EYS: variants seen among roughly 807,000 people sequenced by gnomAD.
The protein encoded by EYS is EGF-like photoreceptor maintenance factor, also known as protein eyes shut homolog.
Under a neutral mutation model 282.1 loss-of-function variants are expected in EYS, and 250 were observed. That is an observed-to-expected ratio of 0.89 (90% CI 0.80 to 0.98). The LOEUF (loss-of-function observed/expected upper bound fraction) is 0.98, where lower values mean the gene tolerates loss of function less well. Ranked by LOEUF, EYS falls within the 50% of genes least tolerant of loss-of-function variation. The probability of loss-of-function intolerance (pLI) is 0.00; values close to 1 mark genes in which losing one functional copy is unlikely to be tolerated. For missense variants in EYS, 4,016 were observed against 3,709.0 expected, an observed-to-expected ratio of 1.08 and a Z score of -2.15; for synonymous variants, 1,355 against 1,282.9, an observed-to-expected ratio of 1.06 and a Z score of -1.20.
At chr6:63,748,962 A>AT (rs1442502496) in intron 41 of EYS, among the ~76,000 whole-genome samples, 3 of 151,558 alleles carry the variant, frequency 2.0e-5, no homozygotes, top group Admixed American at 6.6e-5. Flanking sequence ...CTTTTGAATG[A>AT]TTTTTTGTGT....
intron 30 of EYS, among the ~76,000 whole-genome samples, chr6:64,279,501 G>C (rs1026157474): frequency 6.6e-6 from 1 of 151,598 alleles, no homozygotes; most frequent in Non-Finnish European, 1.5e-5. Flanking sequence ...ACTTGTAAGG[G>C]TAAGGTGAAA....
At position 64,080,564 on chromosome 6, in the gene EYS, C is replaced by T. The variant is rs557890372; in HGVS notation, c.6571+1292G>A. On this transcript the variant is annotated intron_variant, in intron 32 of 42. Coordinates refer to ENST00000503581, the MANE Select transcript of EYS (RefSeq NM_001142800.2). ...GTGCAGAAGCTCTTTAGTTTAATTACATCCCATTGGTCAATTTTGGCTTTT... is the reference window on the plus strand; with the variant it reads ...GTGCAGAAGCTCTTTAGTTTAATTATATCCCATTGGTCAATTTTGGCTTTT... Among the ~76,000 whole-genome samples, 23 of 152,106 alleles carry T rather than the reference C, an allele frequency of 1.5e-4. 1 individual carries two copies. The East Asian group carries it at 4.3e-3, about 28-fold the overall frequency.
At chr6:64,432,640 A>T in intron 28 of EYS, among the ~76,000 whole-genome samples, 1 of 151,940 alleles carries the variant, frequency 6.6e-6, no homozygotes, top group Non-Finnish European at 1.5e-5. Context: ...TTATAACTAT[A>T]CCAACAGACA....
intron 1 of EYS, among the ~76,000 whole-genome samples, chr6:65,683,011 T>G (rs1028954754): frequency 6.6e-6 from 1 of 151,918 alleles, no homozygotes; most frequent in African/African-American, 2.4e-5. Flanking sequence ...AACAGTACTA[T>G]GTTCAGATAT....
chr6:64,813,558 C>G lies in EYS; in HGVS notation c.3263G>C (p.Cys1088Ser). 1 of 1,549,030 alleles carries G rather than the reference C, an allele frequency of 6.5e-7. No individual in the cohort carries two copies. The highest frequency in any genetic ancestry group is 2.4e-5 in the East Asian group (1 of 40,826). The change falls in exon 22 of 43, where the codon TGT (cysteine) becomes TCT (serine). Residue 1088 changes from cysteine (C) to serine (S), a missense_variant. By Grantham distance (112) the Cys-to-Ser change is moderately radical. Coordinates refer to ENST00000503581, the MANE Select transcript of EYS (RefSeq NM_001142800.2). Reference protein sequence around the residue: ...IKINDCTSIPCMNEGFCQKSA... With the variant: ...IKINDCTSIPSMNEGFCQKSA... ...CTTCTGACAGAAGCCTTCATTCATA[C>G]AAGGGATTGATGTGCAGTCCTAGAT...
chr6:65,212,452 C>T (rs1203855652), intron 12 of EYS, among the ~76,000 whole-genome samples: 4 of 151,950 alleles, frequency 2.6e-5, no homozygotes, highest in Non-Finnish European at 5.9e-5. Flanking sequence ...CTTTTTGGCC[C>T]ACTGTTTTCT....
chr6:64,835,608 AG>A (rs1765358218), intron 19 of EYS, among the ~76,000 whole-genome samples: 1 of 151,712 alleles, frequency 6.6e-6, no homozygotes. Context: ...CTTAGGTACC[AG>A]TTGTGTCCTT....
At chr6:65,450,507 T>C (rs1056842219) in intron 5 of EYS, among the ~76,000 whole-genome samples, 3 of 152,140 alleles carry the variant, frequency 2.0e-5, no homozygotes, top group Non-Finnish European at 4.4e-5. Context: ...GATTTCCATA[T>C]GGTGACCAGA....
intron 35 of EYS, among the ~76,000 whole-genome samples, chr6:63,927,361 A>G (rs1347095406): frequency 6.6e-6 from 1 of 152,180 alleles, no homozygotes; most frequent in East Asian, 1.9e-4. Context: ...TAAGGCAGTA[A>G]TTTGCTAGTC....
At chr6:64,882,357 A>C (rs913215103) in intron 19 of EYS, among the ~76,000 whole-genome samples, 1 of 151,830 alleles carries the variant, frequency 6.6e-6, no homozygotes, top group Non-Finnish European at 1.5e-5. Flanking sequence ...TATGGAATTC[A>C]TTATGACACA....
At chr6:64,915,671 T>A (rs868281802) in intron 15 of EYS, among the ~76,000 whole-genome samples, 6 of 152,330 alleles carry the variant, frequency 3.9e-5, no homozygotes, top group Admixed American at 6.5e-5. Flanking sequence ...AATGAATATT[T>A]CTTTAGCTTT....
chr6:64,384,971 T>G (rs564501456), intron 29 of EYS, among the ~76,000 whole-genome samples: 1 of 152,312 alleles, frequency 6.6e-6, no homozygotes, highest in South Asian at 2.1e-4. Context: ...GGTGAGAGCA[T>G]AAATGTAACT....
At chr6:63,945,324 C>G (rs756407941) in intron 35 of EYS, among the ~76,000 whole-genome samples, 1 of 152,042 alleles carries the variant, frequency 6.6e-6, no homozygotes, top group East Asian at 1.9e-4. Flanking sequence ...AGAACTATCA[C>G]GAGAATAGCA....
At chr6:64,136,883 C>T (rs969382582) in intron 31 of EYS, among the ~76,000 whole-genome samples, 7 of 152,120 alleles carry the variant, frequency 4.6e-5, no homozygotes, top group Admixed American at 3.9e-4. Context: ...AAGTCACCAC[C>T]TGCAAGATTC....
intron 13 of EYS, among the ~76,000 whole-genome samples, chr6:65,035,944 TATA>T (rs1248904455): frequency 2.7e-5 from 4 of 147,554 alleles, no homozygotes; most frequent in Non-Finnish European, 4.5e-5. Flanking sequence ...CATAGTAATA[TATA>T]ATAATTTATT....
intron 11 of EYS, chr6:65,329,600 A>T (rs1215548227): frequency 1.0e-6 from 1 of 980,632 alleles, no homozygotes; most frequent in Non-Finnish European, 1.2e-6. Context: ...AAATATACCC[A>T]CATAAAACTT....
intron 14 of EYS, among the ~76,000 whole-genome samples, chr6:64,981,283 A>G (rs1282458923): frequency 6.6e-6 from 1 of 151,344 alleles, no homozygotes; most frequent in Non-Finnish European, 1.5e-5. Flanking sequence ...AAAACCTAAA[A>G]CTTAAGTCAT....
intron 33 of EYS, among the ~76,000 whole-genome samples, chr6:64,031,131 T>TC (rs1298279539): frequency 1.3e-5 from 2 of 152,180 alleles, no homozygotes; most frequent in Non-Finnish European, 2.9e-5. Flanking sequence ...CGGAGCTGGC[T>TC]CCCTCAGCTT....
At chr6:65,562,588 T>A (rs932162034) in intron 2 of EYS, among the ~76,000 whole-genome samples, 18 of 152,034 alleles carry the variant, frequency 1.2e-4, no homozygotes, top group Admixed American at 9.8e-4. Flanking sequence ...AGCAAGACCC[T>A]GGAGATAGTT....
Sources: gnomAD v4.1 joint callset for allele counts (sites outside exome capture counted in the v4.1 genomes callset) on GRCh38, gnomAD v4.1.1 for gene constraint, MANE v1.5 for transcripts, NCBI Gene and HGNC (gene_info 2026-07-23, HGNC 2026-07-21) for gene names.